The following ZFPM2 variants were observed in gnomAD, a reference collection of about 807,000 sequenced individuals.
ZFPM2 encodes zinc finger protein ZFPM2.
A neutral mutation model predicts 98.6 loss-of-function variants in ZFPM2; 20 were observed. That is an observed-to-expected ratio of 0.20 (90% CI 0.14 to 0.29). The LOEUF is 0.29. Ranked by LOEUF, ZFPM2 falls within the 10% of genes least tolerant of loss-of-function variation. The pLI, the probability that ZFPM2 is intolerant of heterozygous loss-of-function variation, is 1.00. For missense variants in ZFPM2, 1,310 were observed against 1,388.6 expected (o/e 0.94, Z 0.90); for synonymous variants, 518 against 502.7 (o/e 1.03, Z -0.41).
chr8:105,639,794 G>A (rs796699881), intron 5 of ZFPM2, among the ~76,000 whole-genome samples: 18 of 152,074 alleles, frequency 1.2e-4, no homozygotes, highest in African/African-American at 3.4e-4. Context: ...TATTTATAGC[G>A]AAGACTTCTA....
At chr8:105,400,750 GTAGCCAC>G (rs1293716557) in intron 1 of ZFPM2, among the ~76,000 whole-genome samples, 3 of 151,854 alleles carry the variant, frequency 2.0e-5, no homozygotes, top group Non-Finnish European at 2.9e-5. Flanking sequence ...CTCTAATAGG[GTAGCCAC>G]TAGTCACATA....
chr8:105,530,237 T>G (rs940182721), intron 3 of ZFPM2, among the ~76,000 whole-genome samples: 6 of 152,084 alleles, frequency 3.9e-5, no homozygotes, highest in African/African-American at 1.4e-4. Flanking sequence ...TGTTATCCCA[T>G]AGAACCAGCA....
intron 4 of ZFPM2, among the ~76,000 whole-genome samples, chr8:105,612,173 C>G (rs1816320720): frequency 6.6e-6 from 1 of 152,016 alleles, no homozygotes; most frequent in African/African-American, 2.4e-5. Context: ...AAAACAAAAT[C>G]CAATAGGTTC....
At chr8:105,428,329 A>T (rs1811954633) in intron 2 of ZFPM2, among the ~76,000 whole-genome samples, 1 of 152,228 alleles carries the variant, frequency 6.6e-6, no homozygotes, top group South Asian at 2.1e-4. Context: ...GGATGTTCTT[A>T]AAATATTTCT....
At chr8:105,506,852 G>A (rs1367141744) in intron 3 of ZFPM2, among the ~76,000 whole-genome samples, 3 of 151,666 alleles carry the variant, frequency 2.0e-5, no homozygotes, top group Non-Finnish European at 4.4e-5. Flanking sequence ...GCCAGGTGTA[G>A]TGGCGGGTGC....
chr8:105,351,837 C>T (rs567229871), intron 1 of ZFPM2, among the ~76,000 whole-genome samples: 1 of 151,484 alleles, frequency 6.6e-6, no homozygotes, highest in African/African-American at 2.4e-5. Context: ...AAAAAAGGCT[C>T]TATTTTATAT....
At chr8:105,504,154 G>T (rs1813650605) in intron 3 of ZFPM2, among the ~76,000 whole-genome samples, 1 of 152,140 alleles carries the variant, frequency 6.6e-6, no homozygotes, top group Non-Finnish European at 1.5e-5. Flanking sequence ...GAGAATTCCT[G>T]CCAAGAGCAC....
intron 1 of ZFPM2, among the ~76,000 whole-genome samples, chr8:105,357,240 A>G (rs1245127252): frequency 2.0e-5 from 3 of 152,168 alleles, no homozygotes; most frequent in Non-Finnish European, 4.4e-5. Flanking sequence ...ACATCCTTCA[A>G]GAGGCTTTTC....
chr8:105,414,605 C>G (rs538785808), intron 1 of ZFPM2, among the ~76,000 whole-genome samples: 1 of 151,732 alleles, frequency 6.6e-6, no homozygotes, highest in Non-Finnish European at 1.5e-5. Context: ...CGCATCCCCC[C>G]CTTTTTTTTT....
chr8:105,714,359 C>CT, intron 5 of ZFPM2, among the ~76,000 whole-genome samples: 1 of 152,050 alleles, frequency 6.6e-6, no homozygotes, highest in East Asian at 1.9e-4. Context: ...ATGTAGGAAC[C>CT]TTTTGGCAGA....
intron 3 of ZFPM2, among the ~76,000 whole-genome samples, chr8:105,498,128 G>A (rs1410726714): frequency 6.6e-6 from 1 of 151,888 alleles, no homozygotes; most frequent in Non-Finnish European, 1.5e-5. Flanking sequence ...AGCCCAGGAG[G>A]TTGAGGCTGC....
At chr8:105,716,607 A>G (rs1315550402) in intron 5 of ZFPM2, among the ~76,000 whole-genome samples, 10 of 152,020 alleles carry the variant, frequency 6.6e-5, no homozygotes, top group Admixed American at 6.6e-4. Context: ...CCTTGTTGAG[A>G]GACCATGTGC....
At chr8:105,415,166 T>C (rs2130058951) in intron 1 of ZFPM2, among the ~76,000 whole-genome samples, 1 of 152,246 alleles carries the variant, frequency 6.6e-6, no homozygotes, top group Non-Finnish European at 1.5e-5. Context: ...TTCCCAGTTA[T>C]TCTCATTGTT....
intron 5 of ZFPM2, among the ~76,000 whole-genome samples, chr8:105,699,128 A>G (rs1207337834): frequency 3.3e-5 from 5 of 152,156 alleles, no homozygotes; most frequent in East Asian, 1.9e-4. Context: ...GGGTCTCTCT[A>G]TAAGGTGTAA....
intron 1 of ZFPM2, among the ~76,000 whole-genome samples, chr8:105,399,134 G>A (rs1180070886): frequency 1.8e-4 from 27 of 152,292 alleles, no homozygotes; most frequent in Non-Finnish European, 3.7e-4. Flanking sequence ...TAGGGCCAAC[G>A]GCCAACTGGT....
intron 1 of ZFPM2, among the ~76,000 whole-genome samples, chr8:105,353,820 C>T (rs1315628650): frequency 2.6e-5 from 4 of 152,012 alleles, no homozygotes; most frequent in South Asian, 2.1e-4. Flanking sequence ...TTAAAAGGAC[C>T]GGAGTTTTAT....
At chr8:105,324,959 C>A in intron 1 of ZFPM2, among the ~76,000 whole-genome samples, 1 of 151,844 alleles carries the variant, frequency 6.6e-6, no homozygotes, top group East Asian at 1.9e-4. Flanking sequence ...TAAATGTAAT[C>A]TTTGTTCACT....
chr8:105,552,493 C>A (rs1195690518), intron 3 of ZFPM2, among the ~76,000 whole-genome samples: 4 of 152,084 alleles, frequency 2.6e-5, no homozygotes, highest in African/African-American at 9.7e-5. Flanking sequence ...GCTTCTTGAG[C>A]AAAAGAGTGG....
chr8:105,579,134 A>G (rs1290106901), intron 4 of ZFPM2, among the ~76,000 whole-genome samples: 1 of 152,112 alleles, frequency 6.6e-6, no homozygotes, highest in Admixed American at 6.6e-5. Context: ...AAAAATGTTT[A>G]ACGACTATAT....
Sources: allele counts gnomAD v4.1 joint callset (sites outside exome capture counted in the v4.1 genomes callset), GRCh38; gene constraint gnomAD v4.1.1; transcripts MANE v1.5; gene names NCBI Gene and HGNC (gene_info 2026-07-23, HGNC 2026-07-21).